Variants in EPHA6 observed in about 807,000 individuals in gnomAD.
EPHA6 encodes ephrin type-A receptor 6.
In EPHA6, 50 loss-of-function variants were observed where a neutral mutation model predicts 112.0. The ratio of observed to expected loss-of-function variants is 0.45; its 90% CI spans 0.36 to 0.56. The LOEUF (loss-of-function observed/expected upper bound fraction) is 0.56. EPHA6 is among the 20% of genes least tolerant of loss of function. The pLI is 0.00. For missense variants in EPHA6, 1,280 were observed against 1,417.4 expected, an observed-to-expected ratio of 0.90 and a Z score of 1.56; for synonymous variants, 529 against 490.7, an observed-to-expected ratio of 1.08 and a Z score of -1.03.
chr3:96,845,462 C>T (rs992335203), intron 1 of EPHA6, among the ~76,000 whole-genome samples: 1 of 151,912 alleles, frequency 6.6e-6, no homozygotes, highest in Non-Finnish European at 1.5e-5. Flanking sequence ...GATGATGCCT[C>T]GCTGCTGATG....
chr3:97,377,171 A>G (rs2085415696), intron 5 of EPHA6, among the ~76,000 whole-genome samples: 1 of 152,184 alleles, frequency 6.6e-6, no homozygotes, highest in Non-Finnish European at 1.5e-5. Context: ...CACAATTCCC[A>G]CGTGTTGTGG....
intron 3 of EPHA6, among the ~76,000 whole-genome samples, chr3:97,181,111 C>T (rs1246857609): frequency 6.6e-6 from 1 of 151,976 alleles, no homozygotes; most frequent in Non-Finnish European, 1.5e-5. Context: ...TGGGTGGGCA[C>T]CAGGTGCGTT....
At chr3:97,167,558 T>C (rs1173717360) in intron 3 of EPHA6, among the ~76,000 whole-genome samples, 1 of 152,172 alleles carries the variant, frequency 6.6e-6, no homozygotes, top group African/African-American at 2.4e-5. Context: ...GACTTAGACA[T>C]GTCATTAATT....
At chr3:97,478,514 G>A (rs1002229329) in intron 8 of EPHA6, among the ~76,000 whole-genome samples, 1 of 151,914 alleles carries the variant, frequency 6.6e-6, no homozygotes, top group Non-Finnish European at 1.5e-5. Context: ...TTCTATGTTT[G>A]CCAATTTATA....
chr3:97,507,899 G>A lies in EPHA6; in HGVS notation c.2200+23840G>A, dbSNP rs372693597. 8.0e-4 allele frequency among the ~76,000 whole-genome samples: 121 copies of A among 150,810 alleles called. 1 individual carries two copies. Among genetic ancestry groups the A allele is most frequent in the Middle Eastern group, 6.8e-3 (2 of 292 alleles). Reference sequence around the variant, plus strand: ...CTGGTTTAGCCTTGGGAGGGTGTACGTGTCCAGGAATTTATCCATTTCTTC... The same window carrying A: ...CTGGTTTAGCCTTGGGAGGGTGTACATGTCCAGGAATTTATCCATTTCTTC... On this transcript the variant is annotated intron_variant, in intron 10 of 17. Transcript: ENST00000389672.
chr3:97,157,556 T>C (rs2076316917), intron 3 of EPHA6, among the ~76,000 whole-genome samples: 1 of 152,088 alleles, frequency 6.6e-6, no homozygotes, highest in Admixed American at 6.6e-5. Flanking sequence ...GTGATTATAA[T>C]ATATTGATTG....
chr3:97,624,959 A>G (rs1576116655), intron 13 of EPHA6, among the ~76,000 whole-genome samples: 1 of 151,662 alleles, frequency 6.6e-6, no homozygotes, highest in Middle Eastern at 3.4e-3. Flanking sequence ...CAATCTAGAT[A>G]AAAGTTTGTT....
At chr3:96,875,163 T>C (rs1056561099) in intron 2 of EPHA6, among the ~76,000 whole-genome samples, 7 of 152,028 alleles carry the variant, frequency 4.6e-5, no homozygotes, top group Non-Finnish European at 7.4e-5. Flanking sequence ...CAGCACCATT[T>C]TGAGACAGAA....
intron 11 of EPHA6, among the ~76,000 whole-genome samples, chr3:97,544,269 A>G: frequency 6.6e-6 from 1 of 152,012 alleles, no homozygotes; most frequent in African/African-American, 2.4e-5. Flanking sequence ...ACGTCCCATC[A>G]ATACCTAATT....
intron 6 of EPHA6, among the ~76,000 whole-genome samples, chr3:97,442,588 A>T (rs1156959197): frequency 6.6e-6 from 1 of 152,140 alleles, no homozygotes; most frequent in Non-Finnish European, 1.5e-5. Flanking sequence ...AGAGAGAGAG[A>T]GACTGAAGAA....
chr3:97,429,711 C>G (rs2089381359), intron 6 of EPHA6, among the ~76,000 whole-genome samples: 1 of 152,110 alleles, frequency 6.6e-6, no homozygotes, highest in African/African-American at 2.4e-5. Flanking sequence ...CTAAATGCAG[C>G]TTCTATAATT....
rs778122643 is a variant in EPHA6 at position 97,247,885 on chromosome 3, G to A, written c.1606+3598G>A. Among the ~76,000 whole-genome samples the A allele has an allele frequency of 4.6e-5, 7 of 151,840 alleles. 1 individual carries two copies. The highest frequency in any genetic ancestry group is 4.1e-4 in the South Asian group (2 of 4,826). On this transcript the variant is annotated intron_variant, in intron 5 of 17. Transcript: ENST00000389672. Reference sequence around the variant, plus strand: ...AAAATATTAGAGACCAAAAAATATAGACAGTTATATTAATTATTTTTTCCT... The same window carrying A: ...AAAATATTAGAGACCAAAAAATATAAACAGTTATATTAATTATTTTTTCCT...
At chr3:97,684,476 G>C (rs528177273) in intron 14 of EPHA6, among the ~76,000 whole-genome samples, 12 of 152,184 alleles carry the variant, frequency 7.9e-5, no homozygotes, top group Non-Finnish European at 1.3e-4. Context: ...AAGTGTCGAA[G>C]TGACCATTTT....
chr3:97,363,185 TATATATATATATATA>T (rs2084477338), intron 5 of EPHA6, among the ~76,000 whole-genome samples: 1 of 8,252 alleles, frequency 1.2e-4, no homozygotes, highest in Non-Finnish European at 2.9e-4. Context: ...TATATATATA[TATATATATATATATA>T]TATATATATA....
intron 3 of EPHA6, among the ~76,000 whole-genome samples, chr3:97,187,340 G>A (rs942162608): frequency 6.6e-6 from 1 of 152,040 alleles, no homozygotes; most frequent in African/African-American, 2.4e-5. Context: ...CACATTGGGA[G>A]GCTGAGGTCA....
rs1398128869 is a variant in EPHA6, at chr3:97,755,402, TTTTAA to T, written c.*6705_*6709del. ...TGCATTATTTGTGACCTCTGGCCAT[TTTTAA>T]TTTGTCATAATAAACTCATTTCTGG... On this transcript the variant is annotated 3_prime_UTR_variant, in exon 18 of 18. Transcript: ENST00000389672. Among the ~76,000 whole-genome samples the T allele has an allele frequency of 6.6e-6, 1 of 152,196 alleles. No homozygotes were observed. Among genetic ancestry groups the T allele is most frequent in the Non-Finnish European group, 1.5e-5 (1 of 68,012 alleles).
intron 3 of EPHA6, among the ~76,000 whole-genome samples, chr3:97,031,875 G>A (rs893359166): frequency 6.6e-6 from 1 of 152,126 alleles, no homozygotes; most frequent in African/African-American, 2.4e-5. Context: ...CAACCATTGT[G>A]GAAGTCAGTG....
intron 14 of EPHA6, among the ~76,000 whole-genome samples, chr3:97,665,829 G>A (rs556858990): frequency 4.6e-5 from 7 of 152,274 alleles, no homozygotes; most frequent in East Asian, 3.9e-4. Context: ...AGGCCAAGGC[G>A]GGCAGATCAC....
chr3:96,973,353 C>T (rs2042389426), intron 2 of EPHA6, among the ~76,000 whole-genome samples: 1 of 152,124 alleles, frequency 6.6e-6, no homozygotes, highest in Non-Finnish European at 1.5e-5. Flanking sequence ...GGAAGTAAAA[C>T]TTCTTACCCT....
Sources: allele counts gnomAD v4.1 joint callset (sites outside exome capture counted in the v4.1 genomes callset), GRCh38; gene constraint gnomAD v4.1.1; transcripts MANE v1.5; gene names NCBI Gene and HGNC (gene_info 2026-07-23, HGNC 2026-07-21).